OXR1: variants seen among roughly 807,000 people sequenced by gnomAD.
OXR1 encodes the protein oxidation resistance protein 1.
In OXR1, 41 loss-of-function variants were observed where a neutral mutation model predicts 104.6. The ratio of observed to expected loss-of-function variants is 0.39; its 90% confidence interval spans 0.31 to 0.51. OXR1 has a LOEUF of 0.51. OXR1 is among the 20% of genes least tolerant of loss of function. The pLI is 0.77. For missense variants in OXR1, 955 were observed against 1,031.9 expected, an observed-to-expected ratio of 0.93 and a Z score of 1.02; for synonymous variants, 348 against 348.4, an observed-to-expected ratio of 1.00 and a Z score of 0.01.
chr8:106,303,291 T>C (rs988568037), intron 1 of OXR1, among the ~76,000 whole-genome samples: 2 of 142,506 alleles, frequency 1.4e-5, no homozygotes, highest in African/African-American at 5.3e-5. Context: ...TCTCACTCTG[T>C]CACCCAGGCT....
intron 2 of OXR1, among the ~76,000 whole-genome samples, chr8:106,508,571 T>C (rs964950198): frequency 6.6e-6 from 1 of 152,204 alleles, no homozygotes; most frequent in Admixed American, 6.5e-5. Flanking sequence ...CAATCAACAA[T>C]GTAATCAGTA....
At chr8:106,460,970 A>G (rs1199212426) in intron 2 of OXR1, among the ~76,000 whole-genome samples, 1 of 151,730 alleles carries the variant, frequency 6.6e-6, no homozygotes. Context: ...TTAGTTATAT[A>G]TTTTATATTT....
intron 1 of OXR1, among the ~76,000 whole-genome samples, chr8:106,270,726 G>T (rs578218710): frequency 1.1e-4 from 16 of 152,268 alleles, no homozygotes; most frequent in African/African-American, 3.1e-4. Context: ...CAGAAGGAAA[G>T]TGGGGGTGTC....
intron 3 of OXR1, among the ~76,000 whole-genome samples, chr8:106,561,752 C>T (rs1209251315): frequency 6.6e-6 from 1 of 152,162 alleles, no homozygotes; most frequent in Non-Finnish European, 1.5e-5. Flanking sequence ...GTGGGTGCCC[C>T]TCTGGGACGA....
chr8:106,300,947 A>G (rs1563704170), intron 1 of OXR1, among the ~76,000 whole-genome samples: 1 of 152,054 alleles, frequency 6.6e-6, no homozygotes, highest in Non-Finnish European at 1.5e-5. Flanking sequence ...TTTCATTTTT[A>G]TGTCTGGATT....
chr8:106,510,825 G>A (rs770374300), intron 2 of OXR1, among the ~76,000 whole-genome samples: 5 of 152,078 alleles, frequency 3.3e-5, no homozygotes, highest in African/African-American at 4.8e-5. Flanking sequence ...GTGAATACAG[G>A]GTTAGAAACA....
chr8:106,473,247 C>T (rs1303142007), intron 2 of OXR1, among the ~76,000 whole-genome samples: 1 of 151,756 alleles, frequency 6.6e-6, no homozygotes, highest in Non-Finnish European at 1.5e-5. Flanking sequence ...GCTGTTGCCA[C>T]AACTGGGCAA....
chr8:106,608,059 A>G, intron 3 of OXR1, among the ~76,000 whole-genome samples: 1 of 152,180 alleles, frequency 6.6e-6, no homozygotes, highest in East Asian at 1.9e-4. Flanking sequence ...AGGCAGGAGT[A>G]TAGCTTGAGG....
chr8:106,592,081 G>A lies in OXR1; in HGVS notation c.220+72942G>A, dbSNP rs1213456613. On this transcript the variant is annotated intron_variant, in intron 3 of 16. Coordinates refer to ENST00000517566, the MANE Select transcript of OXR1 (RefSeq NM_001198533.2). ...AAACTGAGGCCCTGAAAGTGATCTG[G>A]ATGACATGGATAGTAGAAGATTTAG... Among the ~76,000 whole-genome samples the A allele has an allele frequency of 2.0e-5, 3 of 152,284 alleles. No individual in the cohort carries two copies. The East Asian group carries it at 5.8e-4, about 29-fold the overall frequency.
chr8:106,578,133 G>A (rs1173805937), intron 3 of OXR1, among the ~76,000 whole-genome samples: 1 of 152,144 alleles, frequency 6.6e-6, no homozygotes, highest in Non-Finnish European at 1.5e-5. Flanking sequence ...GTATAAGTAT[G>A]TTTCCCGATA....
intron 2 of OXR1, among the ~76,000 whole-genome samples, chr8:106,454,813 T>G (rs1253334197): frequency 6.6e-6 from 1 of 152,166 alleles, no homozygotes; most frequent in Non-Finnish European, 1.5e-5. Context: ...GGGCAGATGC[T>G]TTTTTGACTC....
At chr8:106,346,331 C>T (rs1307759190) in intron 1 of OXR1, among the ~76,000 whole-genome samples, 1 of 152,032 alleles carries the variant, frequency 6.6e-6, no homozygotes, top group East Asian at 1.9e-4. Context: ...TAAATCTGAA[C>T]AGCCGGGACT....
At chr8:106,739,374 A>G in intron 12 of OXR1, 84 bp from the exon 13 acceptor site, 1 of 1,237,536 alleles carries the variant, frequency 8.1e-7, no homozygotes, top group Non-Finnish European at 1.2e-6. Context: ...TACGATATAA[A>G]GCTTTATTTA....
At chr8:106,564,453 T>C (rs991896979) in intron 3 of OXR1, among the ~76,000 whole-genome samples, 21 of 151,930 alleles carry the variant, frequency 1.4e-4, no homozygotes, top group Middle Eastern at 3.4e-3. Context: ...AATCCCTGAA[T>C]AGACCAATAA....
chr8:106,551,103 TA>T (rs1239072495), intron 3 of OXR1, among the ~76,000 whole-genome samples: 5 of 152,234 alleles, frequency 3.3e-5, no homozygotes, highest in African/African-American at 1.2e-4. Flanking sequence ...TTTGTCTATT[TA>T]GGCGTTTAAT....
intron 6 of OXR1, among the ~76,000 whole-genome samples, chr8:106,688,273 T>C (rs1011316925): frequency 3.9e-5 from 6 of 152,102 alleles, no homozygotes; most frequent in Non-Finnish European, 8.8e-5. Context: ...TATATTAATA[T>C]ACTCTATTGA....
At chr8:106,545,838 A>C (rs116243228) in intron 3 of OXR1, among the ~76,000 whole-genome samples, 3,541 of 152,164 alleles carry the variant, frequency 0.023, 140 homozygotes, top group African/African-American at 0.082. Flanking sequence ...TCTATTAAAA[A>C]TACAACAATT....
At chr8:106,276,706 A>G (rs1478415608) in intron 1 of OXR1, among the ~76,000 whole-genome samples, 1 of 145,104 alleles carries the variant, frequency 6.9e-6, no homozygotes, top group Non-Finnish European at 1.5e-5. Context: ...AAGAACCGAT[A>G]TTTAGCTCAA....
At chr8:106,475,113 G>T (rs891645268) in intron 2 of OXR1, among the ~76,000 whole-genome samples, 4 of 152,022 alleles carry the variant, frequency 2.6e-5, no homozygotes, top group Middle Eastern at 3.4e-3. Flanking sequence ...CTTGAACAGT[G>T]TAGGAGTTAG....
Sources: gnomAD v4.1 joint callset for allele counts (sites outside exome capture counted in the v4.1 genomes callset) on GRCh38, gnomAD v4.1.1 for gene constraint, MANE v1.5 for transcripts, NCBI Gene and HGNC (gene_info 2026-07-23, HGNC 2026-07-21) for gene names.